SPMIP2: variants seen among roughly 807,000 people sequenced by gnomAD.
The protein encoded by SPMIP2 is sperm microtubule inner protein 2.
chr4:158,974,274 G>A, the SPMIP2 span, among the ~76,000 whole-genome samples: 1 of 151,824 alleles, frequency 6.6e-6, no homozygotes, highest in African/African-American at 2.4e-5. Flanking sequence ...GAAAAAAGCA[G>A]AAACAAGAGA....
At chr4:158,986,215 TA>T in the SPMIP2 span, among the ~76,000 whole-genome samples, 1 of 151,702 alleles carries the variant, frequency 6.6e-6, no homozygotes, top group Admixed American at 6.6e-5. Context: ...CTGCCCAAGG[TA>T]ATTTATAGAT....
the SPMIP2 span, among the ~76,000 whole-genome samples, chr4:158,963,624 C>T: frequency 4.1e-3 from 629 of 152,310 alleles, 7 homozygotes; most frequent in African/African-American, 0.015. Context: ...AAGATTCTCA[C>T]CCCCTGGTAT....
the SPMIP2 span, among the ~76,000 whole-genome samples, chr4:159,018,117 T>C: frequency 3.6e-3 from 551 of 152,218 alleles, 4 homozygotes; most frequent in African/African-American, 0.013. Flanking sequence ...CCTTTCAACA[T>C]GGGGCTAAAC....
the SPMIP2 span, among the ~76,000 whole-genome samples, chr4:158,934,456 A>G: frequency 2.6e-5 from 4 of 152,098 alleles, no homozygotes; most frequent in African/African-American, 7.2e-5. Context: ...AGCCAGACTC[A>G]GTCTCAAAAA....
the SPMIP2 span, among the ~76,000 whole-genome samples, chr4:158,972,031 C>T: frequency 6.6e-6 from 1 of 152,174 alleles, no homozygotes; most frequent in Non-Finnish European, 1.5e-5. Flanking sequence ...ACTGTGCTCC[C>T]ATCCACCCTC....
the SPMIP2 span, among the ~76,000 whole-genome samples, chr4:158,989,610 G>T: frequency 6.6e-6 from 1 of 152,140 alleles, no homozygotes; most frequent in Non-Finnish European, 1.5e-5. Context: ...TGACAAACCT[G>T]ACAAAAACAA....
chr4:158,980,326 G>A, the SPMIP2 span, among the ~76,000 whole-genome samples: 1,427 of 152,272 alleles, frequency 9.4e-3, 13 homozygotes, highest in African/African-American at 0.033. Context: ...GAGAGCAGTG[G>A]ATCTCCCAGC....
At chr4:159,007,729 T>G in the SPMIP2 span, 1 of 663,462 alleles carries the variant, frequency 1.5e-6, no homozygotes, top group Non-Finnish European at 2.7e-6. Context: ...CTCAGGGCCA[T>G]GGTGCTGGAC....
chr4:158,984,266 T>C, the SPMIP2 span, among the ~76,000 whole-genome samples: 5 of 84,988 alleles, frequency 5.9e-5, no homozygotes, highest in East Asian at 1.8e-3. Flanking sequence ...TGAACTCAGC[T>C]CTGCACCAAG....
At chr4:159,053,415 C>G in the SPMIP2 span, among the ~76,000 whole-genome samples, 1 of 152,100 alleles carries the variant, frequency 6.6e-6, no homozygotes, top group Admixed American at 6.5e-5. Context: ...TACAAATGCA[C>G]CTAGGTTGAG....
At chr4:159,082,226 T>A in the SPMIP2 span, among the ~76,000 whole-genome samples, 1 of 150,754 alleles carries the variant, frequency 6.6e-6, no homozygotes, top group African/African-American at 2.4e-5. Context: ...CCAGCTACTC[T>A]GGAAGCTGAG....
chr4:159,076,890 T>C, the SPMIP2 span, among the ~76,000 whole-genome samples: 1 of 151,808 alleles, frequency 6.6e-6, no homozygotes, highest in Non-Finnish European at 1.5e-5. Flanking sequence ...GGCTGGAGTG[T>C]AATGGTGCCG....
chr4:158,944,776 T>C, the SPMIP2 span, among the ~76,000 whole-genome samples: 1 of 152,268 alleles, frequency 6.6e-6, no homozygotes, highest in South Asian at 2.1e-4. Flanking sequence ...TTCTGGTAAG[T>C]CCTGATAATT....
chr4:159,069,539 A>T, the SPMIP2 span, among the ~76,000 whole-genome samples: 2 of 151,440 alleles, frequency 1.3e-5, no homozygotes, highest in East Asian at 3.9e-4. Context: ...GGCTCAAGAA[A>T]TCCTCCTACC....
At chr4:158,993,828 GACA>G in the SPMIP2 span, among the ~76,000 whole-genome samples, 1 of 152,134 alleles carries the variant, frequency 6.6e-6, no homozygotes. Flanking sequence ...TTAAAACTCA[GACA>G]ACATTAAACA....
At chr4:158,931,256 G>T in the SPMIP2 span, among the ~76,000 whole-genome samples, 19 of 152,018 alleles carry the variant, frequency 1.2e-4, no homozygotes, top group African/African-American at 3.9e-4. Context: ...CTCAACTCCA[G>T]AATTTTATTT....
chr4:158,943,937 C>T, the SPMIP2 span, among the ~76,000 whole-genome samples: 1 of 142,328 alleles, frequency 7.0e-6, no homozygotes, highest in Non-Finnish European at 1.5e-5. Context: ...CTCACCGCAA[C>T]CTCCACCTCC....
chr4:158,896,256 C>T, the SPMIP2 span, among the ~76,000 whole-genome samples: 1 of 149,840 alleles, frequency 6.7e-6, no homozygotes, highest in East Asian at 1.9e-4. Context: ...AGTAGGTTGG[C>T]ACATTCCACC....
At chr4:159,011,539 G>A in the SPMIP2 span, among the ~76,000 whole-genome samples, 1 of 149,208 alleles carries the variant, frequency 6.7e-6, no homozygotes, top group East Asian at 2.0e-4. Context: ...TTCACCTGAG[G>A]TCGGGAGTTC....
Sources: allele counts gnomAD v4.1 joint callset (sites outside exome capture counted in the v4.1 genomes callset), GRCh38; gene constraint gnomAD v4.1.1; transcripts MANE v1.5; gene names NCBI Gene and HGNC (gene_info 2026-07-23, HGNC 2026-07-21).